Variants in MAK observed in about 807,000 individuals in gnomAD.
MAK encodes the protein serine/threonine-protein kinase MAK.
In MAK, 65 loss-of-function variants were observed where a neutral mutation model predicts 82.6. The ratio of observed to expected loss-of-function variants is 0.79; its 90% confidence interval spans 0.64 to 0.97. The LOEUF is 0.97. Ranked by LOEUF, MAK falls within the 50% of genes least tolerant of loss-of-function variation. The pLI is 0.00. For missense variants in MAK, 703 were observed against 780.2 expected (o/e 0.90, Z 1.18); for synonymous variants, 250 against 274.2 (o/e 0.91, Z 0.87).
intron 10 of MAK, 88 bp from the exon 11 acceptor site, chr6:10,784,660 T>TCTCGCCCACCCTCTGCACAC: frequency 8.1e-7 from 1 of 1,230,782 alleles, no homozygotes; most frequent in Non-Finnish European, 1.2e-6. Context: ...CCTCTGCACA[T>TCTCGCCCACCCTCTGCACAC]CTTCCTAAGC....
rs55773478 is a variant in MAK, at chr6:10,791,840, T to C, written c.1151A>G (p.Asn384Ser). The change falls in exon 10 of 15, where the codon AAT becomes AGT. Residue 384 changes from asparagine (N) to serine (S), a missense_variant. Transcript: ENST00000354489. ...ACCACTTTTATGACTCAGTGTGCCA[T>C]TTGGCTTCTGTGGTGGAAAATCAGT... ...SIVKNMPTKP[N>S]GTLSHKSGRR... 2.1e-4 allele frequency: 345 copies of C among 1,614,140 alleles called. 4 individuals are homozygous for C. The East Asian group carries it at 6.2e-3, about 29-fold the overall frequency.
rs1714383421 is a variant in MAK at position 10,764,651 on chromosome 6, TA to T, written c.1793-46del. The stretch of plus-strand genomic sequence containing the variant: ...GAAAACAGGGTTTTACTCATTTGCT[TA>T]TCAAACTCAAAATAAAGAAATTCAT... On this transcript the variant is annotated intron_variant, in intron 14 of 14. Transcript: ENST00000354489. The T allele has an allele frequency of 1.9e-6, 3 of 1,551,472 alleles. No homozygotes were observed. In the Admixed American group the frequency reaches 5.0e-5, roughly 26 times the overall value.
At chr6:10,797,101 T>G (rs1174628953) in intron 8 of MAK, among the ~76,000 whole-genome samples, 1 of 151,906 alleles carries the variant, frequency 6.6e-6, no homozygotes, top group Non-Finnish European at 1.5e-5. Context: ...TCAGCCTGAG[T>G]ACAACAATAT....
At chr6:10,794,900 G>A (rs1030003037) in intron 9 of MAK, among the ~76,000 whole-genome samples, 52 of 152,116 alleles carry the variant, frequency 3.4e-4, no homozygotes, top group African/African-American at 1.2e-3. Flanking sequence ...GCTGAGGCAG[G>A]AGGATTGCTT....
Position 10,796,286 on chromosome 6 carries a change from T to C in MAK, c.855A>G (p.Gln285=), listed in dbSNP as rs1775553023. The C allele has an allele frequency of 1.2e-6, 2 of 1,613,742 alleles. No homozygotes were observed. The highest frequency in any genetic ancestry group is 4.5e-5 in the East Asian group (2 of 44,888). The change falls in exon 9 of 15, where the codon CAA becomes CAG. Residue 285 remains glutamine (Q), a synonymous_variant. Coordinates refer to ENST00000354489, the MANE Select transcript of MAK (RefSeq NM_001242957.3). ...ACGAAGGGCCTAATACCTGACCAAC[T>C]TGAAAATATGGGTGTTTCAATGCCT... ...ASQALKHPYF[Q]VGQVLGPSSN... is the part of the protein sequence containing the mutation.
chr6:10,775,295 C>A (rs374836303), intron 12 of MAK, 33 bp downstream of exon 12: 1 of 1,608,398 alleles, frequency 6.2e-7, no homozygotes, highest in East Asian at 2.2e-5. Context: ...AAAGGAAAAC[C>A]CCGTACATGT....
chr6:10,772,430 G>A lies in MAK; in HGVS notation c.1672+604C>T, dbSNP rs536131405. 8.6e-5 allele frequency among the ~76,000 whole-genome samples: 13 copies of A among 151,512 alleles called. No homozygotes were observed. In the South Asian group the frequency reaches 2.1e-3, roughly 24 times the overall value. On this transcript the variant is annotated intron_variant, in intron 13 of 14. Transcript: ENST00000354489. ...GCAATCTTGGTTCACTGCAACCTCC[G>A]CCTCCCGGGTTCAAGCGATTCTCCT...
chr6:10,782,202 T>TCACA lies in MAK; in HGVS notation c.1465+2218_1465+2221dup, dbSNP rs746386493. Among the ~76,000 whole-genome samples the TCACA allele has an allele frequency of 8.8e-3, 1,279 of 146,094 alleles. 6 individuals carry two copies. Among genetic ancestry groups the TCACA allele is most frequent in the Non-Finnish European group, 0.013 (841 of 66,554 alleles). On this transcript the variant is annotated intron_variant, in intron 11 of 14. Transcript: ENST00000354489. Reference sequence around the variant, plus strand: ...AGCCTGGGCAACGAGTGAAACTCTGTCACACACACACACACACACACACAC... The same window carrying TCACA: ...AGCCTGGGCAACGAGTGAAACTCTGTCACACACACACACACACACACACACACAC...
intron 1 of MAK, among the ~76,000 whole-genome samples, chr6:10,833,824 A>G (rs566801321): frequency 1.2e-3 from 182 of 152,230 alleles, no homozygotes; most frequent in East Asian, 2.7e-3. Context: ...GCTAATAATC[A>G]TAAGTACCAG....
intron 6 of MAK, among the ~76,000 whole-genome samples, chr6:10,806,177 CTT>C (rs70991047): frequency 0.18 from 26,029 of 140,864 alleles, 2,838 homozygotes; most frequent in Middle Eastern, 0.35. Context: ...GCCATCTTTT[CTT>C]TTTTTTTTTT....
chr6:10,783,353 C>T (rs1473955401), intron 11 of MAK, among the ~76,000 whole-genome samples: 4 of 152,174 alleles, frequency 2.6e-5, no homozygotes, highest in Non-Finnish European at 4.4e-5. Flanking sequence ...TATACCCAGG[C>T]GCCCATTAGA....
rs9461181 is a variant in MAK at position 10,776,829 on chromosome 6, G to A, written c.1466-1370C>T. On this transcript the variant is annotated intron_variant, in intron 11 of 14. Transcript: ENST00000354489. This position sits in a 1 kb window ranked among gnomAD's most constrained non-coding sequence, Gnocchi z 4.3. ...CAGCTGGGTGCGGTGGCTCATGCCT[G>A]TAATCCCAGCACTTTGGGAGGCCGA... Among the ~76,000 whole-genome samples the A allele has an allele frequency of 6.6e-6, 1 of 152,116 alleles. No homozygotes were observed. Among genetic ancestry groups the A allele is most frequent in the Admixed American group, 6.5e-5 (1 of 15,274 alleles).
At chr6:10,774,367 G>A (rs905385411) in intron 12 of MAK, among the ~76,000 whole-genome samples, 2 of 152,122 alleles carry the variant, frequency 1.3e-5, no homozygotes, top group African/African-American at 4.8e-5. Context: ...AATGAGAAAG[G>A]TGGGGTTATT....
intron 14 of MAK, 45 bp from the exon 15 acceptor site, chr6:10,764,651 TATCAAACTC>T (rs1561922878): frequency 1.2e-5 from 18 of 1,551,474 alleles, no homozygotes; most frequent in Non-Finnish European, 1.5e-5. Context: ...CTCATTTGCT[TATCAAACTC>T]AAAATAAAGA....
intron 9 of MAK, among the ~76,000 whole-genome samples, chr6:10,795,513 C>T (rs1348241715): frequency 1.3e-5 from 2 of 151,886 alleles, no homozygotes; most frequent in South Asian, 2.1e-4. Context: ...GAGGCCAAGG[C>T]GGGTGTATCA....
intron 9 of MAK, among the ~76,000 whole-genome samples, chr6:10,795,705 C>T (rs1775486924): frequency 6.6e-6 from 1 of 151,554 alleles, no homozygotes; most frequent in Non-Finnish European, 1.5e-5. Flanking sequence ...GGTCGTGCCA[C>T]TGCACTCCAG....
rs573767452 is a variant in MAK, at chr6:10,825,211, A to T, written c.101+5337T>A. ...AGGTGACACATTTGAGGACAAAAAC[A>T]ATGCTAACCGCTCAGCATGAAAATC... On this transcript the variant is annotated intron_variant, in intron 2 of 14. Coordinates refer to ENST00000354489, the MANE Select transcript of MAK (RefSeq NM_001242957.3). 3.3e-5 allele frequency among the ~76,000 whole-genome samples: 5 copies of T among 152,340 alleles called. No homozygotes were observed. The East Asian group carries it at 9.6e-4, about 29-fold the overall frequency.
At position 10,775,396 on chromosome 6, in the gene MAK, C is replaced by A; in HGVS notation, c.1529G>T (p.Ser510Ile). 1 of 1,614,038 alleles carries A rather than the reference C, an allele frequency of 6.2e-7. No individual in the cohort carries two copies. Among genetic ancestry groups the A allele is most frequent in the Non-Finnish European group, 8.5e-7 (1 of 1,179,908 alleles). ...CAGTGACTTGGGGAATAACTGGTTG[C>A]TCCAAGTGTGGGGGTTTATTTCCTT... ...SGKEINPHTW[S>I]NQLFPKSLGP... Residue 510 changes from serine to isoleucine, a missense_variant, in exon 12 of 15, where the codon AGC becomes ATC. Coordinates refer to ENST00000354489, the MANE Select transcript of MAK (RefSeq NM_001242957.3).
intron 4 of MAK, 126 bp downstream of exon 4, chr6:10,817,724 C>A: frequency 1.4e-6 from 1 of 729,454 alleles, no homozygotes; most frequent in Non-Finnish European, 2.1e-6. Context: ...ATAAAGGTAA[C>A]AGAACTGGTT....
Sources: gnomAD v4.1 joint callset for allele counts (sites outside exome capture counted in the v4.1 genomes callset) on GRCh38, gnomAD v4.1.1 for gene constraint, Gnocchi (gnomAD v3.1) non-coding constraint, MANE v1.5 for transcripts, NCBI Gene and HGNC (gene_info 2026-07-23, HGNC 2026-07-21) for gene names.